Variants in TTN observed in about 807,000 individuals in gnomAD.
TTN encodes connectin.
A neutral mutation model predicts 3,223.0 loss-of-function variants in TTN; 1,525 were observed. That is an observed-to-expected ratio of 0.47 (90% confidence interval 0.45 to 0.49). The LOEUF (loss-of-function observed/expected upper bound fraction) is 0.49. Among genes scored for constraint, TTN ranks in the 20% least tolerant of loss-of-function variants. TTN has a pLI of 0.00. For synonymous variants in TTN, 14,094 were observed against 15,161.0 expected (o/e 0.93, Z 5.17); for missense variants, 40,786 against 43,424.0 (o/e 0.94, Z 5.40).
chr2:178,733,001 T>C lies in TTN; in HGVS notation c.16175A>G (p.Lys5392Arg), dbSNP rs794729609. 2 of 1,613,448 alleles carry C rather than the reference T, an allele frequency of 1.2e-6. No individual in the cohort carries two copies. Among genetic ancestry groups the C allele is most frequent in the African/African-American group, 2.7e-5 (2 of 74,894 alleles). ...GSLPMRVSWF[K>R]DGKEIAASDR... ...AGAAGCAGCTATTTCTTTGCCATCC[T>C]TAAACCAGGACACCCTCATGGGGAG... The change falls in exon 55 of 363, where the codon AAG becomes AGG. Residue 5392 changes from lysine (K) to arginine (R), a missense_variant. Physicochemically the swap from Lys to Arg is conservative, Grantham distance 26. Coordinates refer to ENST00000589042, the MANE Select transcript of TTN (RefSeq NM_001267550.2).
At chr2:178,692,902 A>G (rs1183454723) in intron 119 of TTN, among the ~76,000 whole-genome samples, 1 of 151,390 alleles carries the variant, frequency 6.6e-6, no homozygotes, top group Non-Finnish European at 1.5e-5. Flanking sequence ...TGTAACCTTT[A>G]CTTTTATAAA....
chr2:178,730,224 G>A lies in TTN; in HGVS notation c.18176C>T (p.Ser6059Leu). Residue 6059 changes from serine (S) to leucine (L), a missense_variant, in exon 62 of 363, where the codon TCA becomes TTA. Physicochemically the swap from Ser to Leu is moderately radical, Grantham distance 145 (BLOSUM62 -2). Coordinates refer to ENST00000589042, the MANE Select transcript of TTN (RefSeq NM_001267550.2). ...NKELHSGAAR[S>L]VWKDDTSTSL... is the part of the protein sequence containing the mutation. ...GGTAGAGGTGTCATCCTTCCAAACT[G>A]AGCGGGCTGCTCCTGAGTGTAACTC... 1.9e-6 allele frequency: 3 copies of A among 1,613,430 alleles called. No homozygotes were observed. Among genetic ancestry groups the A allele is most frequent in the Non-Finnish European group, 1.7e-6 (2 of 1,179,650 alleles).
chr2:178,727,546 ACAGT>A (rs751083946), intron 68 of TTN, 35 bp downstream of exon 68: 6 of 1,526,920 alleles, frequency 3.9e-6, no homozygotes, highest in Non-Finnish European at 4.4e-6. Context: ...AACCAAAGAC[ACAGT>A]CAGACAGAAA....
At position 178,695,910 on chromosome 2, in the gene TTN, A is replaced by G. The variant is rs1321635859; in HGVS notation, c.31162T>C (p.Tyr10388His). 6.8e-7 allele frequency: 1 copy of G among 1,472,390 alleles called. No homozygotes were observed. Among genetic ancestry groups the G allele is most frequent in the East Asian group, 2.5e-5 (1 of 40,302 alleles). The allele number at this position is 1,472,390 out of a possible 1,614,324, so 91.2% of individuals were successfully genotyped here. A position where few individuals can be genotyped will look rare whatever the true frequency, so the allele number is the denominator to read the frequency against. ...ACTTGAATTACTTCCCTTTCTTGGT[A>G]AGCCTCTTCCCACTCTTCCTCCCCT... is the stretch of plus-strand genomic sequence containing the variant. ...DEGEEEWEEA[Y>H]QEREVIQVQK... Residue 10388 changes from tyrosine to histidine, a missense_variant, in exon 114 of 363, where the codon TAC becomes CAC. Tyr to His is a moderately conservative substitution (Grantham distance 83). Transcript: ENST00000589042.
chr2:178,561,115 T>G lies in TTN; in HGVS notation c.85017A>C (p.Pro28339=). The change falls in exon 326 of 363, where the codon CCA becomes CCC. Residue 28339 remains proline, a synonymous_variant. Coordinates refer to ENST00000589042, the MANE Select transcript of TTN (RefSeq NM_001267550.2). ...CTATAATAGGCCCAGTGGATTCAGA[T>G]GGCTCACTAACTGAGTCAGCAGCAT... is the stretch of plus-strand genomic sequence containing the variant. ...ARNAADSVSE[P]SESTGPIIVK... 6.2e-7 allele frequency: 1 copy of G among 1,613,860 alleles called. No individual in the cohort carries two copies. The highest frequency in any genetic ancestry group is 1.1e-5 in the South Asian group (1 of 91,082).
chr2:178,748,379 T>C (rs1200889305), intron 47 of TTN: 13 of 1,613,166 alleles, frequency 8.1e-6, no homozygotes, highest in Non-Finnish European at 1.1e-5. Flanking sequence ...AGAAATTTCT[T>C]GACTGGCAAA....
rs1390985173 is a variant in TTN at position 178,732,351 on chromosome 2, TGGAA to T, written c.16622-8_16622-5del. 1 of 1,590,548 alleles carries T rather than the reference TGGAA, an allele frequency of 6.3e-7. No individual in the cohort carries two copies. The highest frequency in any genetic ancestry group is 1.7e-5 in the Admixed American group (1 of 57,356). ...TTTTCAACAAATGTGGCAGGTTCTGTGGAAGGAAGGAAGTTATTAAGAAATGTGA... is the reference window on the plus strand; with the variant it reads ...TTTTCAACAAATGTGGCAGGTTCTGTGGAAGGAAGTTATTAAGAAATGTGA... On this transcript the variant is annotated splice_region_variant and splice_polypyrimidine_tract_variant and intron_variant, in intron 56 of 362. Transcript: ENST00000589042.
At position 178,587,390 on chromosome 2, in the gene TTN, T is replaced by G; in HGVS notation, c.63821A>C (p.Lys21274Thr). ...LDTPGPVSDLKVSDVTKTSCH... is the reference protein window; with the variant it reads ...LDTPGPVSDLTVSDVTKTSCH... ...TGATGTTTTAGTGACATCTGAAACT[T>G]TTAAATCAGACACAGGCCCAGGAGT... Residue 21274 changes from lysine (K) to threonine (T), a missense_variant, in exon 307 of 363, where the codon AAA becomes ACA. Lys to Thr is a moderately conservative substitution (Grantham distance 78). Coordinates refer to ENST00000589042, the MANE Select transcript of TTN (RefSeq NM_001267550.2). 1 of 1,611,064 alleles carries G rather than the reference T, an allele frequency of 6.2e-7. No individual in the cohort carries two copies. The highest frequency in any genetic ancestry group is 2.2e-5 in the East Asian group (1 of 44,508).
In TTN at chr2:178,764,655, A is replaced by C; in HGVS notation, c.9860T>G (p.Phe3287Cys). 6.2e-7 allele frequency: 1 copy of C among 1,614,074 alleles called. No homozygotes were observed. The highest frequency in any genetic ancestry group is 8.5e-7 in the Non-Finnish European group (1 of 1,179,986). The stretch of plus-strand genomic sequence containing the variant: ...CGTGTATTCTTGCCCATCATGAAGA[A>C]ATTTGCACTTGAAGCCAGTGGAAAG... ...QLLSTGFKCK[F>C]LHDGQEYTLL... The change falls in exon 42 of 363, where the codon TTT becomes TGT. Residue 3287 changes from phenylalanine (F) to cysteine (C), a missense_variant. Phe to Cys is a radical substitution (Grantham distance 205, BLOSUM62 -2). Transcript: ENST00000589042.
Position 178,546,389 on chromosome 2 carries a change from T to A in TTN, c.94942A>T (p.Ile31648Phe), listed in dbSNP as rs1409620740. 1 of 1,613,800 alleles carries A rather than the reference T, an allele frequency of 6.2e-7. No individual in the cohort carries two copies. Among genetic ancestry groups the A allele is most frequent in the East Asian group, 2.2e-5 (1 of 44,860 alleles). Reference sequence around the variant, plus strand: ...AGCTCCTTGTCTCCTTTGGTCCAGATAATTTTGGGTTCAGGTTTGCCACCA... The same window carrying A: ...AGCTCCTTGTCTCCTTTGGTCCAGAAAATTTTGGGTTCAGGTTTGCCACCA... ...AVGGKPEPKI[I>F]WTKGDKELDL... Residue 31648 changes from isoleucine (I) to phenylalanine (F), a missense_variant, in exon 342 of 363, where the codon ATC becomes TTC. Physicochemically the swap from Ile to Phe is conservative, Grantham distance 21. Transcript: ENST00000589042.
Position 178,621,524 on chromosome 2 carries a change from G to C in TTN, c.45300C>G (p.Tyr15100Ter). ...QNAHLEDAGN[Y>*]NCRLPSSRTD... ...TTCGAGAGCTTGGGAGTCGACAGTT[G>C]TAGTTGCCAGCATCCTCAAGGTGAG... Residue 15100 changes from tyrosine to a stop codon, truncating the protein, a stop_gained, in exon 245 of 363, where the codon TAC becomes TAG. Coordinates refer to ENST00000589042, the MANE Select transcript of TTN (RefSeq NM_001267550.2). LOFTEE classifies it high-confidence loss of function. 6.2e-7 allele frequency: 1 copy of C among 1,612,388 alleles called. No homozygotes were observed. Among genetic ancestry groups the C allele is most frequent in the Non-Finnish European group, 8.5e-7 (1 of 1,179,050 alleles).
chr2:178,694,970 A>C (rs1488421851), intron 115 of TTN, 64 bp from the exon 116 acceptor site: 86 of 1,143,772 alleles, frequency 7.5e-5, no homozygotes, highest in Admixed American at 2.0e-4. Flanking sequence ...CTCTCTCTCT[A>C]TCTCTCTCTC....
rs2048575709 is a variant in TTN at position 178,584,857 on chromosome 2, T to C, written c.64784A>G (p.Tyr21595Cys). Residue 21595 changes from tyrosine to cysteine, a missense_variant, in exon 310 of 363, where the codon TAT becomes TGT. Transcript: ENST00000589042. ...GCTTACATCACACTTCTCCACTATA[T>C]AATTGGTGATGTTACTGCCTCCGTC... Reference protein sequence around the residue: ...LEDGGSNITNYIVEKCDVSRG... With the variant: ...LEDGGSNITNCIVEKCDVSRG... 1 of 1,613,156 alleles carries C rather than the reference T, an allele frequency of 6.2e-7. No homozygotes were observed. The highest frequency in any genetic ancestry group is 1.7e-5 in the Admixed American group (1 of 59,952).
chr2:178,628,368 T>C (rs1177803970), intron 240 of TTN, among the ~76,000 whole-genome samples: 1 of 152,082 alleles, frequency 6.6e-6, no homozygotes, highest in East Asian at 1.9e-4. Context: ...TTTAATAGTA[T>C]TTCTGAAATA....
intron 146 of TTN, 108 bp downstream of exon 146, chr2:178,677,513 A>G (rs754804214): frequency 6.6e-5 from 80 of 1,210,202 alleles, no homozygotes; most frequent in South Asian, 8.7e-5. Flanking sequence ...TAGGTGGTCA[A>G]TCACAGAGGG....
In TTN at chr2:178,799,343, C is replaced by A. The variant is rs534095935; in HGVS notation, c.914+144G>T. On this transcript the variant is annotated intron_variant, in intron 6 of 362. Coordinates refer to ENST00000589042, the MANE Select transcript of TTN (RefSeq NM_001267550.2). ...CCACAACCTGCCCGTTTGTATGCTC[C>A]CCTAGAGGTTTGAGCAGCGGGACAC... 14 of 1,288,872 alleles carry A rather than the reference C, an allele frequency of 1.1e-5. No homozygotes were observed. In the Admixed American group the frequency reaches 2.1e-4, roughly 20 times the overall value. The allele number at this position is 1,288,872 out of a possible 1,614,324, so 79.8% of individuals were successfully genotyped here. A position where few individuals can be genotyped will look rare whatever the true frequency, so the allele number is the denominator to read the frequency against.
chr2:178,714,150 T>C lies in TTN; in HGVS notation c.26508A>G (p.Pro8836=), dbSNP rs2077106509. Residue 8836 remains proline (P), a synonymous_variant, in exon 92 of 363, where the codon CCA becomes CCG. Transcript: ENST00000589042. ...CTCCCGTGGTAACTTTTATGGATTC[T>C]GGCTTTTCTACAATTGTTGCAGGCT... is the stretch of plus-strand genomic sequence containing the variant. ...VLEPATIVEK[P]ESIKVTTGDT... is the part of the protein sequence containing the mutation. 1 of 1,611,850 alleles carries C rather than the reference T, an allele frequency of 6.2e-7. No individual in the cohort carries two copies. The highest frequency in any genetic ancestry group is 1.3e-5 in the African/African-American group (1 of 74,760).
chr2:178,789,551 T>C (rs1450811558), intron 12 of TTN, 54 bp from the exon 13 acceptor site: 2 of 1,607,568 alleles, frequency 1.2e-6, no homozygotes, highest in African/African-American at 2.7e-5. Context: ...CAAACACACA[T>C]AGTATGACCC....
intron 90 of TTN, 128 bp downstream of exon 90, chr2:178,714,858 C>G: frequency 2.4e-6 from 3 of 1,257,968 alleles, no homozygotes; most frequent in Non-Finnish European, 3.3e-6. Context: ...CAGAAAAGGA[C>G]TTGGAGAGGA....
Sources: allele counts gnomAD v4.1 joint callset (sites outside exome capture counted in the v4.1 genomes callset), GRCh38; gene constraint gnomAD v4.1.1; transcripts MANE v1.5; gene names NCBI Gene and HGNC (gene_info 2026-07-23, HGNC 2026-07-21).